Variants in UBE3C observed in about 807,000 individuals in gnomAD.
The protein encoded by UBE3C is ubiquitin protein ligase E3C, also known as ubiquitin-protein ligase E3C.
A neutral mutation model predicts 129.4 loss-of-function variants in UBE3C; 42 were observed. The observed-to-expected ratio is 0.32, with a 90% CI of 0.25 to 0.42. The LOEUF (loss-of-function observed/expected upper bound fraction) is 0.42. Ranked by LOEUF, UBE3C falls within the 10% of genes least tolerant of loss-of-function variation. UBE3C has a pLI of 1.00. For synonymous variants in UBE3C, 510 were observed against 492.4 expected (o/e 1.04, Z -0.47); for missense variants, 1,049 against 1,319.1 (o/e 0.80, Z 3.17).
At chr7:157,140,515 T>G (rs1014251432) in intron 1 of UBE3C, among the ~76,000 whole-genome samples, 1 of 152,192 alleles carries the variant, frequency 6.6e-6, no homozygotes, top group African/African-American at 2.4e-5. Flanking sequence ...TCTTCCACGT[T>G]AATGAAAATG....
rs767451038 is a variant in UBE3C, at chr7:157,267,774, A to AC, written c.*23dup. On this transcript the variant is annotated 3_prime_UTR_variant, in exon 23 of 23. Transcript: ENST00000348165. ...GAGCTGAAGCTGATGCTGGGGTCAG[A>AC]CCCCTACAGAGAACCAGTGCTTCCT... is the stretch of plus-strand genomic sequence containing the variant. The AC allele has an allele frequency of 2.6e-6, 4 of 1,557,136 alleles. No individual in the cohort carries two copies. The highest frequency in any genetic ancestry group is 2.0e-5 in the Admixed American group (1 of 49,536).
At chr7:157,255,405 A>C (rs568165438) in intron 21 of UBE3C, among the ~76,000 whole-genome samples, 1 of 152,220 alleles carries the variant, frequency 6.6e-6, no homozygotes, top group African/African-American at 2.4e-5. Flanking sequence ...TCATTTTTAC[A>C]TATAACCTGT....
intron 10 of UBE3C, chr7:157,197,715 G>A: frequency 1.2e-6 from 2 of 1,609,984 alleles, no homozygotes; most frequent in East Asian, 2.2e-5. Context: ...GTCAAGAGCT[G>A]CAAATTCAGG....
At chr7:157,256,770 GAT>G in intron 21 of UBE3C, 142 bp from the exon 22 acceptor site, 1 of 963,042 alleles carries the variant, frequency 1.0e-6, no homozygotes, top group Non-Finnish European at 1.6e-6. Context: ...GTACACAGGT[GAT>G]ACACACATGC....
chr7:157,223,333 A>T lies in UBE3C; in HGVS notation c.2082A>T (p.Pro694=). The part of the protein sequence containing the change: ...AVLTELPFVV[P]FEERVKIFQR... ...TGACAGAGTTGCCTTTTGTGGTTCC[A>T]TTTGAGGAACGAGTAAAGGTATGCA... The change falls in exon 16 of 23, where the codon CCA becomes CCT. Residue 694 remains proline (P), a synonymous_variant. Transcript: ENST00000348165. 1 of 1,613,576 alleles carries T rather than the reference A, an allele frequency of 6.2e-7. No individual in the cohort carries two copies. The highest frequency in any genetic ancestry group is 8.5e-7 in the Non-Finnish European group (1 of 1,179,802).
At position 157,248,583 on chromosome 7, in the gene UBE3C, G is replaced by A. The variant is rs1297895026; in HGVS notation, c.2694+3G>A. The A allele has an allele frequency of 2.5e-6, 4 of 1,612,058 alleles. No individual in the cohort carries two copies. The Admixed American group carries it at 5.0e-5, about 20-fold the overall frequency. ...ACAATGACCTGGGAGAGGCGCAGGT[G>A]AGGGGTCAGGAGGAGGATTCACATA... On this transcript the variant is annotated splice_donor_region_variant and intron_variant, in intron 19 of 22. Coordinates refer to ENST00000348165, the MANE Select transcript of UBE3C (RefSeq NM_014671.3).
intron 22 of UBE3C, 92 bp downstream of exon 22, chr7:157,257,136 A>C (rs1796772429): frequency 8.6e-6 from 13 of 1,518,002 alleles, no homozygotes; most frequent in Admixed American, 4.1e-5. Context: ...GTCCTTTTAC[A>C]TACACTTTTG....
intron 9 of UBE3C, among the ~76,000 whole-genome samples, chr7:157,186,430 T>A (rs145179232): frequency 9.6e-5 from 14 of 146,410 alleles, no homozygotes; most frequent in South Asian, 2.2e-4. Context: ...AAAAAAAAAA[T>A]TTATGTAATA....
Position 157,178,841 on chromosome 7 carries a change from C to A in UBE3C, c.610C>A (p.His204Asn), listed in dbSNP as rs1373079695. 3.1e-6 allele frequency: 5 copies of A among 1,614,028 alleles called. No individual in the cohort carries two copies. In the South Asian group the frequency reaches 5.5e-5, roughly 18 times the overall value. Residue 204 changes from histidine (H) to asparagine (N), a missense_variant, in exon 6 of 23, where the codon CAC (histidine) becomes AAC (asparagine). His to Asn is a moderately conservative substitution (Grantham distance 68). Coordinates refer to ENST00000348165, the MANE Select transcript of UBE3C (RefSeq NM_014671.3). ...TGAACAAATTTTGCACTACATGATT[C>A]ACAATGGTAAGTAGTAGGCAGGATC... The part of the protein sequence containing the change: ...VIEQILHYMI[H>N]NGYYRSLYLL...
chr7:157,200,737 C>T (rs866568844), intron 10 of UBE3C, among the ~76,000 whole-genome samples: 17 of 152,018 alleles, frequency 1.1e-4, no homozygotes, highest in Admixed American at 2.6e-4. Context: ...TGGGCTCTAT[C>T]GATTCTCCTA....
rs183140901 is a variant in UBE3C at position 157,265,888 on chromosome 7, A to C, written c.3082-1697A>C. Among the ~76,000 whole-genome samples the C allele has an allele frequency of 2.0e-5, 3 of 152,336 alleles. No homozygotes were observed. In the East Asian group the frequency reaches 5.8e-4, roughly 29 times the overall value. On this transcript the variant is annotated intron_variant, in intron 22 of 22. Transcript: ENST00000348165. ...GTCATGAACACATCTGAAAAACAAT[A>C]TTCAAATTTCCCTGATCATCTTTCT...
intron 22 of UBE3C, among the ~76,000 whole-genome samples, chr7:157,262,813 A>G (rs950828351): frequency 3.3e-5 from 5 of 152,016 alleles, no homozygotes; most frequent in African/African-American, 1.2e-4. Context: ...ACAAAATCCA[A>G]CTGAAATGTG....
chr7:157,153,078 C>T (rs576079282), intron 1 of UBE3C, among the ~76,000 whole-genome samples: 1 of 152,148 alleles, frequency 6.6e-6, no homozygotes, highest in East Asian at 1.9e-4. Context: ...CGCCTGTAAT[C>T]TCAGCTACTT....
intron 2 of UBE3C, among the ~76,000 whole-genome samples, chr7:157,165,101 A>G (rs1009409567): frequency 6.6e-6 from 1 of 152,154 alleles, no homozygotes; most frequent in Non-Finnish European, 1.5e-5. Context: ...ACCAGAAACT[A>G]CCAAATGTCC....
intron 1 of UBE3C, among the ~76,000 whole-genome samples, chr7:157,157,983 T>TAG (rs1348016095): frequency 9.1e-4 from 131 of 143,830 alleles, no homozygotes; most frequent in Non-Finnish European, 1.3e-3. Flanking sequence ...GATATATATA[T>TAG]ATATAGAGAG....
At chr7:157,257,609 T>G (rs1391992444) in intron 22 of UBE3C, among the ~76,000 whole-genome samples, 1 of 151,996 alleles carries the variant, frequency 6.6e-6, no homozygotes, top group Non-Finnish European at 1.5e-5. Flanking sequence ...TGGTGCCCTG[T>G]GCCTGTAATC....
rs370888683 is a variant in UBE3C, at chr7:157,198,667, TG to T, written c.1332-3051del. ...CTCCTGCCTCAGCCTCCTGAGCAGCTGGGATTACAGGCATGCGCCACCACAC... is the reference window on the plus strand; with the variant it reads ...CTCCTGCCTCAGCCTCCTGAGCAGCTGGATTACAGGCATGCGCCACCACAC... On this transcript the variant is annotated intron_variant, in intron 10 of 22. Coordinates refer to ENST00000348165, the MANE Select transcript of UBE3C (RefSeq NM_014671.3). 7.5e-3 allele frequency among the ~76,000 whole-genome samples: 1,144 copies of T among 152,264 alleles called. 21 individuals are homozygous for T. The highest frequency in any genetic ancestry group is 0.027 in the African/African-American group (1,101 of 41,532).
At chr7:157,161,043 T>C (rs1808055502) in intron 1 of UBE3C, among the ~76,000 whole-genome samples, 1 of 152,100 alleles carries the variant, frequency 6.6e-6, no homozygotes, top group African/African-American at 2.4e-5. Flanking sequence ...CTCTATAAGA[T>C]TGGAGGAAGA....
intron 2 of UBE3C, among the ~76,000 whole-genome samples, chr7:157,164,724 A>G (rs1563035341): frequency 6.6e-6 from 1 of 152,292 alleles, no homozygotes; most frequent in Non-Finnish European, 1.5e-5. Flanking sequence ...TTGAGAACTT[A>G]CTATGTATGT....
Sources: gnomAD v4.1 joint callset for allele counts (sites outside exome capture counted in the v4.1 genomes callset) on GRCh38, gnomAD v4.1.1 for gene constraint, MANE v1.5 for transcripts, NCBI Gene and HGNC (gene_info 2026-07-23, HGNC 2026-07-21) for gene names.